Variants in LHFPL6 observed in about 807,000 individuals in gnomAD.
LHFPL6 encodes LHFPL tetraspan subfamily member 6 protein.
In LHFPL6, 9 loss-of-function variants were observed where a neutral mutation model predicts 20.6. The observed-to-expected ratio is 0.44, with a 90% CI of 0.26 to 0.76. The LOEUF is 0.76. LHFPL6 is among the 30% of genes least tolerant of loss of function. The pLI, the probability that LHFPL6 is intolerant of heterozygous loss-of-function variation, is 0.20. For missense variants in LHFPL6, 218 were observed against 253.5 expected, an observed-to-expected ratio of 0.86 and a Z score of 0.95; for synonymous variants, 105 against 98.7, an observed-to-expected ratio of 1.06 and a Z score of -0.38.
chr13:39,558,586 T>A (rs1211527173), intron 2 of LHFPL6, among the ~76,000 whole-genome samples: 3 of 152,190 alleles, frequency 2.0e-5, no homozygotes, highest in Non-Finnish European at 2.9e-5. Context: ...GATGACACGA[T>A]GATGATATCA....
At chr13:39,409,407 T>C (rs1046376935) in intron 2 of LHFPL6, among the ~76,000 whole-genome samples, 2 of 151,986 alleles carry the variant, frequency 1.3e-5, no homozygotes, top group African/African-American at 2.4e-5. Context: ...TGAGCTGGGA[T>C]TGCACCACTG....
chr13:39,381,977 T>C (rs996022599), intron 2 of LHFPL6, among the ~76,000 whole-genome samples: 5 of 152,200 alleles, frequency 3.3e-5, no homozygotes, highest in East Asian at 3.9e-4. Flanking sequence ...GATGCTGGGA[T>C]TGGCTGAGAT....
intron 2 of LHFPL6, among the ~76,000 whole-genome samples, chr13:39,449,894 C>T (rs537997555): frequency 1.3e-5 from 2 of 151,684 alleles, no homozygotes; most frequent in Non-Finnish European, 2.9e-5. Context: ...TTCCACAGCT[C>T]TGCATCAGAC....
intron 3 of LHFPL6, among the ~76,000 whole-genome samples, chr13:39,359,617 T>C (rs1307114079): frequency 2.0e-5 from 3 of 152,064 alleles, no homozygotes; most frequent in African/African-American, 7.2e-5. Flanking sequence ...ACAATAGATA[T>C]TGGGGAATAC....
intron 2 of LHFPL6, among the ~76,000 whole-genome samples, chr13:39,488,123 T>TA (rs1325611905): frequency 6.6e-6 from 1 of 151,986 alleles, no homozygotes; most frequent in Non-Finnish European, 1.5e-5. Context: ...AATGCCCTTA[T>TA]AAAAGAGGCT....
chr13:39,439,482 T>C lies in LHFPL6; in HGVS notation c.386-60956A>G, dbSNP rs147209874. 5.3e-5 allele frequency among the ~76,000 whole-genome samples: 8 copies of C among 152,222 alleles called. No homozygotes were observed. The East Asian group carries it at 1.5e-3, about 29-fold the overall frequency. The stretch of plus-strand genomic sequence containing the variant: ...AATGAGTTGAGACTTTGGGGGACTT[T>C]TGGGAAGGCATGATTGTATTTTGCA... On this transcript the variant is annotated intron_variant, in intron 2 of 3. Coordinates refer to ENST00000379589, the MANE Select transcript of LHFPL6 (RefSeq NM_005780.3).
intron 2 of LHFPL6, among the ~76,000 whole-genome samples, chr13:39,546,860 G>A (rs74046541): frequency 0.041 from 6,232 of 151,904 alleles, 306 homozygotes; most frequent in East Asian, 0.11. Flanking sequence ...CTCAAATCCC[G>A]TGCTGCACCT....
chr13:39,419,778 C>T (rs946211484), intron 2 of LHFPL6, among the ~76,000 whole-genome samples: 1 of 152,028 alleles, frequency 6.6e-6, no homozygotes, highest in South Asian at 2.1e-4. Flanking sequence ...GCAAAGAGTT[C>T]ATAAGTTATT....
intron 2 of LHFPL6, among the ~76,000 whole-genome samples, chr13:39,499,157 C>A (rs891145127): frequency 6.6e-6 from 1 of 151,912 alleles, no homozygotes; most frequent in African/African-American, 2.4e-5. Flanking sequence ...ACCACGCACC[C>A]GGCCTGCCTT....
At chr13:39,532,589 A>T (rs1870498428) in intron 2 of LHFPL6, among the ~76,000 whole-genome samples, 2 of 152,170 alleles carry the variant, frequency 1.3e-5, no homozygotes, top group African/African-American at 4.8e-5. Context: ...ATTCCTCTAG[A>T]CCTTTAAAAT....
chr13:39,512,017 T>A (rs1328159755), intron 2 of LHFPL6, among the ~76,000 whole-genome samples: 2 of 152,208 alleles, frequency 1.3e-5, no homozygotes, highest in Non-Finnish European at 2.9e-5. Flanking sequence ...TGAGACGACC[T>A]ATTAACACCT....
chr13:39,583,651 C>G (rs1872358020), intron 2 of LHFPL6, among the ~76,000 whole-genome samples: 1 of 152,194 alleles, frequency 6.6e-6, no homozygotes, highest in Non-Finnish European at 1.5e-5. Context: ...CAGGTGCCTT[C>G]CAGCCAACAA....
At chr13:39,502,955 C>T (rs755727188) in intron 2 of LHFPL6, among the ~76,000 whole-genome samples, 3 of 152,074 alleles carry the variant, frequency 2.0e-5, no homozygotes, top group Non-Finnish European at 4.4e-5. Context: ...GGCAGTGGTG[C>T]GATCATAGCT....
chr13:39,437,646 G>T (rs1422396878), intron 2 of LHFPL6, among the ~76,000 whole-genome samples: 1 of 152,216 alleles, frequency 6.6e-6, no homozygotes, highest in African/African-American at 2.4e-5. Context: ...GCTCACGCCT[G>T]TAATCCCAGC....
chr13:39,441,419 T>G (rs1006817478), intron 2 of LHFPL6, among the ~76,000 whole-genome samples: 4 of 152,084 alleles, frequency 2.6e-5, no homozygotes, highest in Non-Finnish European at 4.4e-5. Context: ...AGGACCACCA[T>G]GGAGGAAAAT....
chr13:39,350,247 A>AT (rs1451945804), intron 3 of LHFPL6, among the ~76,000 whole-genome samples: 2 of 152,168 alleles, frequency 1.3e-5, no homozygotes, highest in Admixed American at 1.3e-4. Context: ...ATACAATAGG[A>AT]TTTTTTCATA....
At chr13:39,585,809 T>C (rs1872431399) in intron 2 of LHFPL6, among the ~76,000 whole-genome samples, 1 of 152,210 alleles carries the variant, frequency 6.6e-6, no homozygotes, top group South Asian at 2.1e-4. Flanking sequence ...AAATAAGCTA[T>C]TCAATTCAAT....
chr13:39,417,121 T>G (rs1871368917), intron 2 of LHFPL6, among the ~76,000 whole-genome samples: 1 of 152,214 alleles, frequency 6.6e-6, no homozygotes, highest in African/African-American at 2.4e-5. Context: ...ATTACACTTC[T>G]TACCAGTGTC....
chr13:39,434,351 G>T (rs1210109986), intron 2 of LHFPL6, among the ~76,000 whole-genome samples: 1 of 152,156 alleles, frequency 6.6e-6, no homozygotes, highest in Non-Finnish European at 1.5e-5. Context: ...TAATAAGCAT[G>T]CAAAGAAGGC....
Sources: gnomAD v4.1 joint callset for allele counts (sites outside exome capture counted in the v4.1 genomes callset) on GRCh38, gnomAD v4.1.1 for gene constraint, MANE v1.5 for transcripts, NCBI Gene and HGNC (gene_info 2026-07-23, HGNC 2026-07-21) for gene names.